The following RBP5 variants were observed in gnomAD, a reference collection of about 807,000 sequenced individuals.
RBP5 encodes the protein retinol binding protein 5, also known as retinol-binding protein 5.
RBP5 carries 12 observed loss-of-function variants against 17.8 expected under a neutral mutation model. That is an observed-to-expected ratio of 0.67 (90% CI 0.43 to 1.09). The LOEUF is 1.09. Ranked by LOEUF, RBP5 falls within the 50% of genes least tolerant of loss-of-function variation. RBP5 has a pLI of 0.00. For missense variants in RBP5, 172 were observed against 169.4 expected (o/e 1.02, Z -0.09); for synonymous variants, 64 against 68.1 (o/e 0.94, Z 0.30).
At chr12:7,121,442 T>A (rs1939080770), downstream of RBP5, among the ~76,000 whole-genome samples, 1 of 152,138 alleles carries the variant, frequency 6.6e-6, no homozygotes, top group Non-Finnish European at 1.5e-5. Context: ...CTACCTGAGC[T>A]CCTTTTCAAC....
Position 7,124,802 on chromosome 12 carries a change from A to G in RBP5, c.253-72T>C. The G allele has an allele frequency of 6.9e-6, 6 of 875,546 alleles. No individual in the cohort carries two copies. The highest frequency in any genetic ancestry group is 2.4e-5 in the East Asian group (1 of 40,928). The allele number at this position is 875,546 out of a possible 1,614,324, so 54.2% of individuals were successfully genotyped here. A position where few individuals can be genotyped will look rare whatever the true frequency, so the allele number is the denominator to read the frequency against. On this transcript the variant is annotated intron_variant, in intron 2 of 3. Transcript: ENST00000266560. The surrounding 1 kb of genome is among the most constrained non-coding windows in gnomAD (Gnocchi z 5.3). The stretch of plus-strand genomic sequence containing the variant: ...CAAAATGCTTCCCATCTCACTCTGA[A>G]TGGGCTCCCCCTTTTACTCCACAGC...
chr12:7,123,923 C>A lies in RBP5; in HGVS notation c.*198G>T. The A allele has an allele frequency of 1.7e-6, 1 of 593,860 alleles. No homozygotes were observed. The highest frequency in any genetic ancestry group is 3.0e-6 in the Non-Finnish European group (1 of 329,038). 36.8% of individuals were successfully genotyped at this position (593,860 alleles called of 1,614,324 possible). ...ACCTGGAAGTGAGGTCACTATTGGG[C>A]AGTGGAGTGTGAGAAAGGACTTTGG... On this transcript the variant is annotated 3_prime_UTR_variant, in exon 4 of 4. Transcript: ENST00000266560.
At chr12:7,126,711 C>T (rs959257497) in intron 2 of RBP5, among the ~76,000 whole-genome samples, 2 of 152,100 alleles carry the variant, frequency 1.3e-5, no homozygotes, top group African/African-American at 4.8e-5. Flanking sequence ...CCTTGGCATT[C>T]AAATGGAAAT....
At position 7,128,549 on chromosome 12, in the gene RBP5, C is replaced by G. The variant is rs1003187803; in HGVS notation, c.74-131G>C. On this transcript the variant is annotated intron_variant, in intron 1 of 3. Coordinates refer to ENST00000266560, the MANE Select transcript of RBP5 (RefSeq NM_031491.4). The surrounding 1 kb of genome is among the most constrained non-coding windows in gnomAD (Gnocchi z 5.3). Reference sequence around the variant, plus strand: ...GTGGATTCACCCCCTCCTACCAATGCCTGGTTAGAAATGGATCCCAGGTCT... The same window carrying G: ...GTGGATTCACCCCCTCCTACCAATGGCTGGTTAGAAATGGATCCCAGGTCT... 8.3e-6 allele frequency: 10 copies of G among 1,204,036 alleles called. No individual in the cohort carries two copies. Among genetic ancestry groups the G allele is most frequent in the African/African-American group, 1.5e-5 (1 of 66,258 alleles). 74.6% of individuals were successfully genotyped at this position (1,204,036 alleles called of 1,614,324 possible).
downstream of RBP5, chr12:7,120,646 A>C (rs1299934235): frequency 6.4e-6 from 1 of 155,090 alleles, no homozygotes; most frequent in African/African-American, 2.4e-5. Context: ...AGGGACCCTG[A>C]AAGCATGGGT....
chr12:7,124,629 C>T lies in RBP5; in HGVS notation c.354G>A (p.Leu118=). ...RHWLEGEMLY[L]ELTARDAVCE... The stretch of plus-strand genomic sequence containing the variant: ...GACACCCAGCCCCCACCCCATTTAC[C>T]AGATACAGCATCTCTCCCTCCAGCC... The change falls in exon 3 of 4, where the codon CTG becomes CTA. Residue 118 remains leucine (L), a splice_region_variant and synonymous_variant. Coordinates refer to ENST00000266560, the MANE Select transcript of RBP5 (RefSeq NM_031491.4). This position sits in a 1 kb window ranked among gnomAD's most constrained non-coding sequence, Gnocchi z 5.3. 1 of 1,541,122 alleles carries T rather than the reference C, an allele frequency of 6.5e-7. No individual in the cohort carries two copies. The highest frequency in any genetic ancestry group is 9.0e-7 in the Non-Finnish European group (1 of 1,113,586).
Position 7,127,996 on chromosome 12 carries a change from G to C in RBP5, c.252+244C>G, listed in dbSNP as rs143326190. Among the ~76,000 whole-genome samples, 247 of 152,354 alleles carry C rather than the reference G, an allele frequency of 1.6e-3. 1 individual carries two copies. Among genetic ancestry groups the C allele is most frequent in the African/African-American group, 5.8e-3 (242 of 41,574 alleles). On this transcript the variant is annotated intron_variant, in intron 2 of 3. Coordinates refer to ENST00000266560, the MANE Select transcript of RBP5 (RefSeq NM_031491.4). The stretch of plus-strand genomic sequence containing the variant: ...AATGTTTGCTCTTCGGTCTGGGTTG[G>C]CCTGTTCTTTGCCCTTTGGGCTGGT...
chr12:7,128,619 T>A lies in RBP5; in HGVS notation c.73+84A>T. The A allele has an allele frequency of 7.4e-7, 1 of 1,348,782 alleles. No homozygotes were observed. The highest frequency in any genetic ancestry group is 2.0e-5 in the Admixed American group (1 of 50,796). 83.6% of individuals were successfully genotyped at this position (1,348,782 alleles called of 1,614,324 possible). On this transcript the variant is annotated intron_variant, in intron 1 of 3. Transcript: ENST00000266560. This position sits in a 1 kb window ranked among gnomAD's most constrained non-coding sequence, Gnocchi z 5.3. Reference sequence around the variant, plus strand: ...TTTCCACAGTGTCCAACCCCGGGCATTCCCTCTTCTCCATGGGACCAAGAA... The same window carrying A: ...TTTCCACAGTGTCCAACCCCGGGCAATCCCTCTTCTCCATGGGACCAAGAA...
chr12:7,127,102 T>C (rs1197305125), intron 2 of RBP5, among the ~76,000 whole-genome samples: 1 of 147,468 alleles, frequency 6.8e-6, no homozygotes, highest in Non-Finnish European at 1.5e-5. Flanking sequence ...AAGTGATTCT[T>C]CTGCCTCAGC....
rs1400347430 is a variant in RBP5, at chr12:7,117,836, C to T, written n.890-529G>A. The T allele has an allele frequency of 1.3e-5, 2 of 152,186 alleles. No homozygotes were observed. Among genetic ancestry groups the T allele is most frequent in the Non-Finnish European group, 2.9e-5 (2 of 68,040 alleles). 9.4% of individuals were successfully genotyped at this position (152,186 alleles called of 1,614,324 possible). On this transcript the variant is annotated intron_variant and non_coding_transcript_variant, in intron 3 of 3. Coordinates refer to the RBP5 transcript ENST00000619522. This position sits in a 1 kb window ranked among gnomAD's most constrained non-coding sequence, Gnocchi z 4.9. ...GAGCCCAGAGATCCCAGTTCCAGAT[C>T]TCAGATCTCCCACACCCTGTGGGCT...
chr12:7,121,884 C>T (rs1939086714), downstream of RBP5: 1 of 154,970 alleles, frequency 6.5e-6, no homozygotes, highest in Middle Eastern at 5.2e-4. Flanking sequence ...CCAACCAAGT[C>T]AACTCCACAA....
At chr12:7,122,985 G>C (rs11053853), downstream of RBP5, among the ~76,000 whole-genome samples, 24,084 of 152,128 alleles carry the variant, frequency 0.16, 2,397 homozygotes, top group East Asian at 0.43. Flanking sequence ...GTTGCAGGAA[G>C]ATGGGTCAAG....
chr12:7,120,049 A>C (rs778578653), downstream of RBP5, among the ~76,000 whole-genome samples: 12 of 152,052 alleles, frequency 7.9e-5, no homozygotes, highest in South Asian at 2.3e-3. Context: ...AACAGAACAG[A>C]GGCTCTGAGA....
At chr12:7,123,115 T>C (rs1939104902), downstream of RBP5, among the ~76,000 whole-genome samples, 1 of 152,108 alleles carries the variant, frequency 6.6e-6, no homozygotes. Flanking sequence ...AGGACTTTTA[T>C]TCTGAAAGAG....
rs1320921111 is a variant in RBP5 at position 7,124,736 on chromosome 12, G to T, written c.253-6C>A. ...TCCTCCCAGGTTACTATGGTCTATAGGGGAAAGAGGGAGTAAAGAAAGATT... is the reference window on the plus strand; with the variant it reads ...TCCTCCCAGGTTACTATGGTCTATATGGGAAAGAGGGAGTAAAGAAAGATT... On this transcript the variant is annotated splice_polypyrimidine_tract_variant and splice_region_variant and intron_variant, in intron 2 of 3. Coordinates refer to ENST00000266560, the MANE Select transcript of RBP5 (RefSeq NM_031491.4). The surrounding 1 kb of genome is among the most constrained non-coding windows in gnomAD (Gnocchi z 5.3). 6 of 1,539,778 alleles carry T rather than the reference G, an allele frequency of 3.9e-6. No individual in the cohort carries two copies. The South Asian group carries it at 5.6e-5, about 14-fold the overall frequency.
intron 2 of RBP5, among the ~76,000 whole-genome samples, chr12:7,125,526 T>C (rs181914140): frequency 6.6e-6 from 1 of 152,284 alleles, no homozygotes; most frequent in African/African-American, 2.4e-5. Context: ...TCCTTTAGGA[T>C]AGGCCCCAAA....
Position 7,128,684 on chromosome 12 carries a change from G to A in RBP5, c.73+19C>T. ...GGGAGAAAGGGAGTGACAGGGGTCTGGGAGGGCGAGGCCATTACTTAGGGC... is the reference window on the plus strand; with the variant it reads ...GGGAGAAAGGGAGTGACAGGGGTCTAGGAGGGCGAGGCCATTACTTAGGGC... On this transcript the variant is annotated intron_variant, in intron 1 of 3. Transcript: ENST00000266560. This position sits in a 1 kb window ranked among gnomAD's most constrained non-coding sequence, Gnocchi z 5.3. 6.3e-7 allele frequency: 1 copy of A among 1,574,950 alleles called. No homozygotes were observed.
At position 7,117,952 on chromosome 12, in the gene RBP5, C is replaced by G. The variant is rs759769383; in HGVS notation, n.890-645G>C. On this transcript the variant is annotated intron_variant and non_coding_transcript_variant, in intron 3 of 3. Transcript: ENST00000619522. This position sits in a 1 kb window ranked among gnomAD's most constrained non-coding sequence, Gnocchi z 4.9. The stretch of plus-strand genomic sequence containing the variant: ...TGCTTTGCTTGCCAATAGCAGGGTG[C>G]GTCTGTTACATACTGGACTATCCCT... 1 of 152,204 alleles carries G rather than the reference C, an allele frequency of 6.6e-6. No individual in the cohort carries two copies. The highest frequency in any genetic ancestry group is 2.4e-5 in the African/African-American group (1 of 41,444). The allele number at this position is 152,204 out of a possible 1,614,324, so 9.4% of individuals were successfully genotyped here.
Position 7,128,664 on chromosome 12 carries a change from A to G in RBP5, c.73+39T>C, listed in dbSNP as rs762775356. 8.0e-6 allele frequency: 12 copies of G among 1,507,670 alleles called. No homozygotes were observed. In the South Asian group the frequency reaches 1.4e-4, roughly 18 times the overall value. 93.4% of individuals were successfully genotyped at this position (1,507,670 alleles called of 1,614,324 possible). A position where few individuals can be genotyped will look rare whatever the true frequency, so the allele number is the denominator to read the frequency against. On this transcript the variant is annotated intron_variant, in intron 1 of 3. Coordinates refer to ENST00000266560, the MANE Select transcript of RBP5 (RefSeq NM_031491.4). This position sits in a 1 kb window ranked among gnomAD's most constrained non-coding sequence, Gnocchi z 5.3. The stretch of plus-strand genomic sequence containing the variant: ...CAAGAAGCAGGAAGGAAGAGGGGAG[A>G]AAGGGAGTGACAGGGGTCTGGGAGG...
Sources: allele counts gnomAD v4.1 joint callset (sites outside exome capture counted in the v4.1 genomes callset), GRCh38; gene constraint gnomAD v4.1.1; non-coding constraint Gnocchi (gnomAD v3.1); transcripts MANE v1.5; gene names NCBI Gene and HGNC (gene_info 2026-07-23, HGNC 2026-07-21).